The following FOXP1 variants were observed in gnomAD, a reference collection of about 807,000 sequenced individuals.
FOXP1 encodes the protein forkhead box P1, also known as forkhead box protein P1.
In FOXP1, 15 loss-of-function variants were observed where a neutral mutation model predicts 98.2. The ratio of observed to expected loss-of-function variants is 0.15; its 90% CI spans 0.10 to 0.24. The LOEUF (loss-of-function observed/expected upper bound fraction) is 0.24. Among genes scored for constraint, FOXP1 ranks in the 10% least tolerant of loss-of-function variants. The pLI is 1.00. For synonymous variants in FOXP1, 371 were observed against 314.5 expected (o/e 1.18, Z -1.90); for missense variants, 633 against 848.5 (o/e 0.75, Z 3.15).
chr3:71,397,012 A>ATATATATATATACACACATATATATGTG (rs2081495853), intron 3 of FOXP1, among the ~76,000 whole-genome samples: 4 of 33,652 alleles, frequency 1.2e-4, no homozygotes, highest in African/African-American at 3.9e-4. Flanking sequence ...ATATGTGTAT[A>ATATATATATATACACACATATATATGTG]TATATATATA....
At chr3:71,496,559 C>T (rs143308731) in intron 2 of FOXP1, among the ~76,000 whole-genome samples, 12 of 152,240 alleles carry the variant, frequency 7.9e-5, no homozygotes, top group Admixed American at 4.6e-4. Flanking sequence ...CAGTGGCTCA[C>T]GCCTGTAATC....
chr3:71,548,197 C>T (rs2045509958), intron 2 of FOXP1, among the ~76,000 whole-genome samples: 1 of 152,152 alleles, frequency 6.6e-6, no homozygotes, highest in South Asian at 2.1e-4. Context: ...CTGATCATCA[C>T]CATTAATGTG....
intron 17 of FOXP1, among the ~76,000 whole-genome samples, chr3:70,973,004 G>A (rs1450877391): frequency 1.3e-5 from 2 of 152,086 alleles, no homozygotes; most frequent in Non-Finnish European, 2.9e-5. Flanking sequence ...AACAACACAT[G>A]CAAAGTATGA....
intron 3 of FOXP1, among the ~76,000 whole-genome samples, chr3:71,392,904 A>T (rs2081133737): frequency 6.6e-6 from 1 of 152,212 alleles, no homozygotes; most frequent in South Asian, 2.1e-4. Flanking sequence ...TTCACATTTT[A>T]CAAAAAGAAC....
chr3:71,559,181 G>C (rs758567209), intron 2 of FOXP1, among the ~76,000 whole-genome samples: 3 of 152,116 alleles, frequency 2.0e-5, no homozygotes, highest in Non-Finnish European at 4.4e-5. Context: ...GCAATGACAG[G>C]AATCACTGAG....
chr3:71,118,819 A>C lies in FOXP1; in HGVS notation c.181-6182T>G, dbSNP rs913952489. On this transcript the variant is annotated intron_variant, in intron 6 of 20. Coordinates refer to ENST00000649528, the MANE Select transcript of FOXP1 (RefSeq NM_001349338.3). ...ATTCAAATTTTGGTATTTACCAATAAAATTTTATTTGAATACAGTTAAGCT... is the reference window on the plus strand; with the variant it reads ...ATTCAAATTTTGGTATTTACCAATACAATTTTATTTGAATACAGTTAAGCT... 2.6e-5 allele frequency among the ~76,000 whole-genome samples: 4 copies of C among 152,236 alleles called. No homozygotes were observed. In the East Asian group the frequency reaches 7.7e-4, roughly 29 times the overall value.
rs78027330 is a variant in FOXP1, at chr3:71,541,123, C to T, written c.-298+40426G>A. ...AACTGCACTGCCCTAATTTATAAGG[C>T]CATTGCCAAGTCTAGGATTCTACCA... On this transcript the variant is annotated intron_variant, in intron 2 of 20. Transcript: ENST00000649528. Among the ~76,000 whole-genome samples, 20 of 152,286 alleles carry T rather than the reference C, an allele frequency of 1.3e-4. No individual in the cohort carries two copies. The East Asian group carries it at 3.7e-3, about 28-fold the overall frequency.
intron 11 of FOXP1, among the ~76,000 whole-genome samples, chr3:71,020,351 A>G (rs1038494871): frequency 2.0e-5 from 3 of 152,056 alleles, no homozygotes; most frequent in Non-Finnish European, 4.4e-5. Context: ...TGTTCTATTT[A>G]TTTTTTTCTG....
intron 2 of FOXP1, among the ~76,000 whole-genome samples, chr3:71,558,736 G>T (rs1206807812): frequency 2.0e-5 from 3 of 149,420 alleles, no homozygotes; most frequent in Non-Finnish European, 4.4e-5. Flanking sequence ...CTCATGATCC[G>T]CCCGCCTCGG....
chr3:71,198,835 G>A (rs1048808436), intron 5 of FOXP1, among the ~76,000 whole-genome samples: 3 of 151,838 alleles, frequency 2.0e-5, no homozygotes, highest in Admixed American at 6.6e-5. Context: ...AGGATTACAG[G>A]TGCATGCCAC....
chr3:71,156,742 A>G (rs1316941806), intron 6 of FOXP1, among the ~76,000 whole-genome samples: 1 of 152,236 alleles, frequency 6.6e-6, no homozygotes, highest in Non-Finnish European at 1.5e-5. Flanking sequence ...GGCTAGTTGG[A>G]CATCTAGAAT....
chr3:71,008,871 T>A (rs1221439971), intron 12 of FOXP1, among the ~76,000 whole-genome samples: 1 of 151,846 alleles, frequency 6.6e-6, no homozygotes, highest in African/African-American at 2.4e-5. Context: ...GAAAAAAAAA[T>A]ATGCTTCAGT....
At chr3:71,442,083 G>T (rs1353885614) in intron 3 of FOXP1, among the ~76,000 whole-genome samples, 2 of 152,092 alleles carry the variant, frequency 1.3e-5, no homozygotes, top group African/African-American at 4.8e-5. Flanking sequence ...AACATCTCAG[G>T]AGCTGAACCA....
intron 14 of FOXP1, among the ~76,000 whole-genome samples, chr3:70,983,577 G>A (rs1407389235): frequency 1.3e-5 from 2 of 152,154 alleles, no homozygotes; most frequent in Non-Finnish European, 2.9e-5. Flanking sequence ...CCAAGTTCCT[G>A]TAAGTGCTTT....
chr3:71,051,440 G>C (rs946337564), intron 9 of FOXP1, among the ~76,000 whole-genome samples: 1 of 152,126 alleles, frequency 6.6e-6, no homozygotes, highest in Non-Finnish European at 1.5e-5. Context: ...AGCAAAGGGA[G>C]AATGTCTGGG....
intron 6 of FOXP1, among the ~76,000 whole-genome samples, chr3:71,126,185 T>C (rs193096437): frequency 3.9e-4 from 60 of 152,232 alleles, no homozygotes; most frequent in Admixed American, 7.2e-4. Flanking sequence ...GGGGATATGA[T>C]TAAGAAAAGA....
At chr3:71,136,061 T>C (rs1213772950) in intron 6 of FOXP1, among the ~76,000 whole-genome samples, 1 of 152,232 alleles carries the variant, frequency 6.6e-6, no homozygotes, top group Non-Finnish European at 1.5e-5. Flanking sequence ...CAGAGTTAAA[T>C]ATGATTTATC....
intron 12 of FOXP1, among the ~76,000 whole-genome samples, chr3:71,004,088 TCC>T (rs34693302): frequency 6.6e-6 from 1 of 151,584 alleles, no homozygotes. Context: ...GAACCCTACA[TCC>T]CCCCCCAAGT....
chr3:71,316,600 G>A (rs2075088366), intron 4 of FOXP1, among the ~76,000 whole-genome samples: 1 of 151,824 alleles, frequency 6.6e-6, no homozygotes, highest in South Asian at 2.1e-4. Flanking sequence ...CTCACTTGGG[G>A]CACCCGGATG....
Sources: allele counts gnomAD v4.1 joint callset (sites outside exome capture counted in the v4.1 genomes callset), GRCh38; gene constraint gnomAD v4.1.1; transcripts MANE v1.5; gene names NCBI Gene and HGNC (gene_info 2026-07-23, HGNC 2026-07-21).